Variants in DNAH8 observed in about 807,000 individuals in gnomAD.
DNAH8 encodes the protein axonemal beta dynein heavy chain 8.
DNAH8 carries 382 observed loss-of-function variants against 562.1 expected under a neutral mutation model. The observed-to-expected ratio is 0.68, with a 90% CI of 0.63 to 0.74. The LOEUF is 0.74. Ranked by LOEUF, DNAH8 falls within the 30% of genes least tolerant of loss-of-function variation. The probability of loss-of-function intolerance (pLI) is 0.00; values close to 1 mark genes in which losing one functional copy is unlikely to be tolerated. For synonymous variants in DNAH8, 1,881 were observed against 1,919.4 expected (o/e 0.98, Z 0.52); for missense variants, 5,203 against 5,620.4 (o/e 0.93, Z 2.37).
rs1278056643 is a variant in DNAH8 at position 39,030,350 on chromosome 6, C to T, written c.14082C>T (p.His4694=). 6.2e-7 allele frequency: 1 copy of T among 1,614,192 alleles called. No individual in the cohort carries two copies. ...VYLRTVLSPD[H]WILRGVALLC... ...TACGAACAGTGTTGTCCCCGGATCA[C>T]TGGATCCTGAGAGGAGTGGCCCTTT... is the stretch of plus-strand genomic sequence containing the variant. The change falls in exon 93 of 93, where the codon CAC becomes CAT. Residue 4694 remains histidine (H), a synonymous_variant. Coordinates refer to ENST00000327475, the MANE Select transcript of DNAH8 (RefSeq NM_001206927.2).
chr6:38,945,108 A>C (rs1160488117), intron 79 of DNAH8, among the ~76,000 whole-genome samples: 1 of 152,180 alleles, frequency 6.6e-6, no homozygotes, highest in Non-Finnish European at 1.5e-5. Context: ...ATGACTAAGA[A>C]GTGATATTTA....
intron 25 of DNAH8, among the ~76,000 whole-genome samples, chr6:38,814,580 A>G (rs1369362627): frequency 1.3e-5 from 2 of 150,216 alleles, no homozygotes; most frequent in Non-Finnish European, 3.0e-5. Flanking sequence ...GACTCTGTCA[A>G]AAAAAAAAAA....
At chr6:38,915,971 G>A (rs995515227) in intron 68 of DNAH8, among the ~76,000 whole-genome samples, 1 of 152,050 alleles carries the variant, frequency 6.6e-6, no homozygotes, top group Non-Finnish European at 1.5e-5. Context: ...ATATAAGTAT[G>A]TATGTACATA....
intron 7 of DNAH8, among the ~76,000 whole-genome samples, 170 bp downstream of exon 7, chr6:38,738,142 T>G (rs1421465538): frequency 6.6e-6 from 1 of 152,232 alleles, no homozygotes. Context: ...TTCTTCTTTG[T>G]GGACCATTTG....
At position 38,716,162 on chromosome 6, in the gene DNAH8, A is replaced by G. The variant is rs554943226; in HGVS notation, c.-35+747A>G. Among the ~76,000 whole-genome samples the G allele has an allele frequency of 4.7e-5, 7 of 150,400 alleles. No homozygotes were observed. In the East Asian group the frequency reaches 1.4e-3, roughly 30 times the overall value. ...ATTTTCAGTGGAGACGGGGTTTCAC[A>G]GTGTTAGCCAAGATGGTCTCGATCT... On this transcript the variant is annotated intron_variant, in intron 1 of 92. Coordinates refer to ENST00000327475, the MANE Select transcript of DNAH8 (RefSeq NM_001206927.2).
At chr6:38,942,935 C>T (rs1220821735) in intron 79 of DNAH8, among the ~76,000 whole-genome samples, 2 of 152,184 alleles carry the variant, frequency 1.3e-5, no homozygotes. Flanking sequence ...AACACGGCAA[C>T]ACAGTGGGGA....
At chr6:38,997,142 G>C (rs1322856855) in intron 88 of DNAH8, among the ~76,000 whole-genome samples, 1 of 152,156 alleles carries the variant, frequency 6.6e-6, no homozygotes, top group Non-Finnish European at 1.5e-5. Context: ...CTGCTCAGGT[G>C]GTTGGCTCTG....
chr6:38,915,928 G>A (rs891359624), intron 68 of DNAH8, among the ~76,000 whole-genome samples: 2 of 151,822 alleles, frequency 1.3e-5, no homozygotes, highest in East Asian at 1.9e-4. Flanking sequence ...ATATACACAC[G>A]TGTATATACT....
chr6:38,809,736 A>C (rs565700457), intron 24 of DNAH8, among the ~76,000 whole-genome samples: 1 of 152,186 alleles, frequency 6.6e-6, no homozygotes, highest in African/African-American at 2.4e-5. Context: ...ATTTAATTGT[A>C]CTGTTCAATT....
At chr6:38,895,141 G>A (rs1486333973) in intron 59 of DNAH8, among the ~76,000 whole-genome samples, 1 of 152,068 alleles carries the variant, frequency 6.6e-6, no homozygotes, top group Admixed American at 6.6e-5. Context: ...GTTTCTCCAT[G>A]TTGATCAGGC....
intron 28 of DNAH8, 88 bp downstream of exon 28, chr6:38,823,776 G>A (rs1165170172): frequency 1.3e-6 from 1 of 783,796 alleles, no homozygotes; most frequent in Non-Finnish European, 2.0e-6. Context: ...AGTTATCTTG[G>A]TACAATAGTA....
At chr6:38,877,455 A>G (rs938788452) in intron 53 of DNAH8, among the ~76,000 whole-genome samples, 1 of 152,220 alleles carries the variant, frequency 6.6e-6, no homozygotes, top group African/African-American at 2.4e-5. Flanking sequence ...ATCTAGACTC[A>G]TATTCCTTCT....
chr6:38,725,902 A>G (rs1053523945), intron 3 of DNAH8, among the ~76,000 whole-genome samples: 3 of 152,132 alleles, frequency 2.0e-5, no homozygotes, highest in African/African-American at 7.2e-5. Context: ...TGCCATTCAC[A>G]AGTTGGGTTT....
At position 38,949,569 on chromosome 6, in the gene DNAH8, A is replaced by G. The variant is rs771014094; in HGVS notation, c.12247A>G (p.Arg4083Gly). ...LDTCHKLLLIRSWCPDRTVFQ... is the reference protein window; with the variant it reads ...LDTCHKLLLIGSWCPDRTVFQ... ...TACCTGCCATAAACTTTTACTTATC[A>G]GGTGAGAACAGGCATTATCAGACCT... The change falls in exon 81 of 93, where the codon AGG becomes GGG. Residue 4083 changes from arginine (R) to glycine (G), a missense_variant and splice_region_variant. Coordinates refer to ENST00000327475, the MANE Select transcript of DNAH8 (RefSeq NM_001206927.2). 11 of 1,504,056 alleles carry G rather than the reference A, an allele frequency of 7.3e-6. No individual in the cohort carries two copies. In the Admixed American group the frequency reaches 1.2e-4, roughly 16 times the overall value. 93.2% of individuals were successfully genotyped at this position (1,504,056 alleles called of 1,614,324 possible).
At chr6:38,862,975 A>G (rs1389151881) in intron 44 of DNAH8, among the ~76,000 whole-genome samples, 2 of 152,170 alleles carry the variant, frequency 1.3e-5, no homozygotes, top group African/African-American at 2.4e-5. Flanking sequence ...ATCTACATGC[A>G]TTCTCTTGGT....
chr6:38,826,896 T>G (rs1184873728), intron 29 of DNAH8, among the ~76,000 whole-genome samples: 2 of 152,216 alleles, frequency 1.3e-5, no homozygotes, highest in Non-Finnish European at 2.9e-5. Context: ...CTATTGCTGC[T>G]ATAACAAATC....
At chr6:38,883,840 T>A in intron 55 of DNAH8, 36 bp from the exon 56 acceptor site, 1 of 1,475,336 alleles carries the variant, frequency 6.8e-7, no homozygotes. Flanking sequence ...TGGATTAAAA[T>A]CTAATGCATA....
At position 38,823,034 on chromosome 6, in the gene DNAH8, G is replaced by T; in HGVS notation, c.3720G>T (p.Lys1240Asn). The change falls in exon 27 of 93, where the codon AAG becomes AAT. Residue 1240 changes from lysine to asparagine, a missense_variant and splice_region_variant. By Grantham distance (94) the Lys-to-Asn change is moderately conservative. Coordinates refer to ENST00000327475, the MANE Select transcript of DNAH8 (RefSeq NM_001206927.2). ...CAGAGGACCGCGATGTGAAAGTGAAGGTGTCTTTCTGCTACTTGTGATGTT... is the reference window on the plus strand; with the variant it reads ...CAGAGGACCGCGATGTGAAAGTGAATGTGTCTTTCTGCTACTTGTGATGTT... ...LWTEDRDVKV[K>N]EFLANNPSLT... is the part of the protein sequence containing the mutation. 1 of 1,565,578 alleles carries T rather than the reference G, an allele frequency of 6.4e-7. No individual in the cohort carries two copies. The highest frequency in any genetic ancestry group is 1.2e-5 in the South Asian group (1 of 82,614).
In DNAH8 at chr6:38,842,851, G is replaced by T. The variant is rs1233843857; in HGVS notation, c.4793G>T (p.Cys1598Phe). Residue 1598 changes from cysteine to phenylalanine, a missense_variant, in exon 35 of 93, where the codon TGC becomes TTC. Cys to Phe is a radical substitution (Grantham distance 205). This residue lies in a region of DNAH8 where 2,176 missense variants were observed against 2,365.1 expected (regional missense o/e 0.92). Coordinates refer to ENST00000327475, the MANE Select transcript of DNAH8 (RefSeq NM_001206927.2). ...TPFDVESDSF[C>F]LRNIMEAPLL... The stretch of plus-strand genomic sequence containing the variant: ...TTTGATGTGGAATCTGATTCTTTTT[G>T]CCTTAGAAATATCATGGAAGCACCA... 6.2e-7 allele frequency: 1 copy of T among 1,613,652 alleles called. No homozygotes were observed. The highest frequency in any genetic ancestry group is 1.3e-5 in the African/African-American group (1 of 74,872).
Sources: gnomAD v4.1 joint callset for allele counts (sites outside exome capture counted in the v4.1 genomes callset) on GRCh38, gnomAD v4.1.1 for gene constraint, gnomAD v4.1.1 regional missense constraint, MANE v1.5 for transcripts, NCBI Gene and HGNC (gene_info 2026-07-23, HGNC 2026-07-21) for gene names.